Variants in RPS6KC1 observed in about 807,000 individuals in gnomAD.
The protein encoded by RPS6KC1 is inactive ribosomal protein S6 kinase delta-1.
Under a neutral mutation model 103.8 loss-of-function variants are expected in RPS6KC1, and 54 were observed. That is an observed-to-expected ratio of 0.52 (90% CI 0.42 to 0.65). The LOEUF (loss-of-function observed/expected upper bound fraction) is 0.65. Ranked by LOEUF, RPS6KC1 falls within the 30% of genes least tolerant of loss-of-function variation. The probability of loss-of-function intolerance (pLI) is 0.00; values close to 1 mark genes in which losing one functional copy is unlikely to be tolerated. For missense variants in RPS6KC1, 1,151 were observed against 1,253.8 expected, an observed-to-expected ratio of 0.92 and a Z score of 1.24; for synonymous variants, 439 against 438.7, an observed-to-expected ratio of 1.00 and a Z score of -0.01.
the RPS6KC1 span, among the ~76,000 whole-genome samples, chr1:213,325,610 G>T: frequency 6.6e-6 from 1 of 152,222 alleles, no homozygotes; most frequent in South Asian, 2.1e-4. Flanking sequence ...GGCCTGAGGG[G>T]TCTGGCACGG....
chr1:213,855,536 TC>T, the RPS6KC1 span, among the ~76,000 whole-genome samples: 1 of 152,348 alleles, frequency 6.6e-6, no homozygotes, highest in South Asian at 2.1e-4. Context: ...TAGCCTAGCA[TC>T]TGTCCTTGGG....
At chr1:213,651,037 A>G in the RPS6KC1 span, among the ~76,000 whole-genome samples, 1 of 151,898 alleles carries the variant, frequency 6.6e-6, no homozygotes, top group Non-Finnish European at 1.5e-5. Context: ...CAGAAGCTGA[A>G]TCGCCCTCCT....
chr1:213,076,870 T>C (rs915334442), intron 2 of RPS6KC1, among the ~76,000 whole-genome samples: 4 of 151,714 alleles, frequency 2.6e-5, no homozygotes, highest in African/African-American at 9.7e-5. Flanking sequence ...ACTCAGTTTA[T>C]CCTTTTTTTT....
the RPS6KC1 span, among the ~76,000 whole-genome samples, chr1:213,674,575 C>T: frequency 1.4e-4 from 21 of 152,182 alleles, no homozygotes; most frequent in African/African-American, 1.7e-4. Flanking sequence ...TCCATGACTT[C>T]GCTATTGTAA....
the RPS6KC1 span, among the ~76,000 whole-genome samples, chr1:213,610,728 C>T: frequency 1.3e-5 from 2 of 152,180 alleles, no homozygotes; most frequent in African/African-American, 4.8e-5. Context: ...GAAAACAATA[C>T]ATTACATATG....
intron 1 of RPS6KC1, among the ~76,000 whole-genome samples, chr1:213,057,081 G>A (rs150696242): frequency 2.8e-3 from 418 of 151,836 alleles, no homozygotes; most frequent in Non-Finnish European, 4.4e-3. Context: ...CTGGAACTAC[G>A]GGAACATGCC....
the RPS6KC1 span, among the ~76,000 whole-genome samples, chr1:213,326,115 G>C: frequency 1.4e-4 from 22 of 152,088 alleles, no homozygotes; most frequent in African/African-American, 5.3e-4. Flanking sequence ...GGAGGCAGAG[G>C]GGGAAGAGAG....
chr1:213,622,534 C>T, the RPS6KC1 span, among the ~76,000 whole-genome samples: 2 of 152,136 alleles, frequency 1.3e-5, no homozygotes, highest in East Asian at 1.9e-4. Flanking sequence ...CTGCCCCTCC[C>T]GCTCCAGTGC....
At chr1:213,113,333 A>C (rs1320063718) in intron 4 of RPS6KC1, among the ~76,000 whole-genome samples, 1 of 151,864 alleles carries the variant, frequency 6.6e-6, no homozygotes, top group African/African-American at 2.4e-5. Flanking sequence ...GCATTTTTTC[A>C]TGTGTTTTTT....
At chr1:213,573,651 AC>A in the RPS6KC1 span, among the ~76,000 whole-genome samples, 1 of 152,204 alleles carries the variant, frequency 6.6e-6, no homozygotes, top group Non-Finnish European at 1.5e-5. Flanking sequence ...TTTTCCTGGA[AC>A]AAAACCCAGT....
chr1:213,341,084 A>T, the RPS6KC1 span, among the ~76,000 whole-genome samples: 3 of 152,228 alleles, frequency 2.0e-5, no homozygotes, highest in Non-Finnish European at 4.4e-5. Flanking sequence ...TGGACAGCAG[A>T]TATAAAACCA....
chr1:213,483,997 T>G, the RPS6KC1 span, among the ~76,000 whole-genome samples: 8 of 152,288 alleles, frequency 5.3e-5, no homozygotes, highest in African/African-American at 1.9e-4. Flanking sequence ...CAAGCTTTCC[T>G]CCTTATTCTT....
the RPS6KC1 span, among the ~76,000 whole-genome samples, chr1:213,657,733 A>G: frequency 6.6e-6 from 1 of 152,228 alleles, no homozygotes; most frequent in African/African-American, 2.4e-5. Context: ...CAGTTTCATG[A>G]TAAGTGGTTG....
At chr1:213,626,902 G>A in the RPS6KC1 span, among the ~76,000 whole-genome samples, 3 of 152,094 alleles carry the variant, frequency 2.0e-5, no homozygotes, top group Non-Finnish European at 4.4e-5. Flanking sequence ...TTGATTGGGC[G>A]ATGCGGGCTC....
chr1:213,162,310 T>G (rs1227364753), intron 6 of RPS6KC1, among the ~76,000 whole-genome samples: 1 of 152,144 alleles, frequency 6.6e-6, no homozygotes, highest in Non-Finnish European at 1.5e-5. Flanking sequence ...GGCCAGTATC[T>G]CTCTCTGTTG....
chr1:213,261,438 C>G (rs2094793593), intron 12 of RPS6KC1, 120 bp from the exon 13 acceptor site: 1 of 840,512 alleles, frequency 1.2e-6, no homozygotes, highest in African/African-American at 1.7e-5. Flanking sequence ...TTTTGAAAGC[C>G]CAGTAGTATT....
At chr1:213,423,963 T>TA in the RPS6KC1 span, among the ~76,000 whole-genome samples, 1 of 152,234 alleles carries the variant, frequency 6.6e-6, no homozygotes, top group Non-Finnish European at 1.5e-5. Context: ...TTATTTGCTT[T>TA]TAATTAGTGT....
At chr1:213,185,609 C>T (rs563299554) in intron 8 of RPS6KC1, among the ~76,000 whole-genome samples, 1 of 152,122 alleles carries the variant, frequency 6.6e-6, no homozygotes, top group South Asian at 2.1e-4. Context: ...GATTGCGCCA[C>T]TGCACTCCAT....
At chr1:213,768,986 G>T in the RPS6KC1 span, among the ~76,000 whole-genome samples, 1 of 152,224 alleles carries the variant, frequency 6.6e-6, no homozygotes, top group South Asian at 2.1e-4. Context: ...AGCAAATGGA[G>T]CTCAGCCCAG....
Sources: allele counts gnomAD v4.1 joint callset (sites outside exome capture counted in the v4.1 genomes callset), GRCh38; gene constraint gnomAD v4.1.1; transcripts MANE v1.5; gene names NCBI Gene and HGNC (gene_info 2026-07-23, HGNC 2026-07-21).